Variants in RNF150 observed in about 807,000 individuals in gnomAD.
RNF150 encodes the protein ring finger protein 150.
In RNF150, 24 loss-of-function variants were observed where a neutral mutation model predicts 39.3. The observed-to-expected ratio is 0.61, with a 90% confidence interval of 0.44 to 0.86. RNF150 has a LOEUF of 0.86. RNF150 is among the 40% of genes least tolerant of loss of function. The pLI is 0.00. For synonymous variants in RNF150, 255 were observed against 227.3 expected, an observed-to-expected ratio of 1.12 and a Z score of -1.10; for missense variants, 502 against 587.8, an observed-to-expected ratio of 0.85 and a Z score of 1.51.
chr4:141,145,265 A>G (rs978293069), intron 1 of RNF150, among the ~76,000 whole-genome samples: 26 of 152,252 alleles, frequency 1.7e-4, no homozygotes, highest in African/African-American at 5.8e-4. Flanking sequence ...ATGTCTTCAA[A>G]GTGTCAAAGA....
At chr4:141,180,164 G>T (rs150946100) in intron 1 of RNF150, among the ~76,000 whole-genome samples, 1 of 152,182 alleles carries the variant, frequency 6.6e-6, no homozygotes, top group Non-Finnish European at 1.5e-5. Flanking sequence ...GGCTCACAAA[G>T]TGAGGTCTTG....
At chr4:140,917,316 A>G (rs1730876795) in intron 5 of RNF150, among the ~76,000 whole-genome samples, 1 of 152,222 alleles carries the variant, frequency 6.6e-6, no homozygotes, top group African/African-American at 2.4e-5. Context: ...AGAGACACAC[A>G]TAGGCTCAAA....
At position 140,860,947 on chromosome 4, in the gene RNF150, T is replaced by A. The variant is rs1238883197; in HGVS notation, c.*7314A>T. 6.6e-6 allele frequency: 1 copy of A among 150,392 alleles called. No homozygotes were observed. Among genetic ancestry groups the A allele is most frequent in the Non-Finnish European group, 1.5e-5 (1 of 67,584 alleles). The allele number at this position is 150,392 out of a possible 1,614,324, so 9.3% of individuals were successfully genotyped here. A position where few individuals can be genotyped will look rare whatever the true frequency, so the allele number is the denominator to read the frequency against. On this transcript the variant is annotated 3_prime_UTR_variant, in exon 7 of 7. Transcript: ENST00000515673. ...TGAACATTTTAAAGAACAATACCCA[T>A]TTTTTTTTCCAGAAAATGGATGGAA... is the stretch of plus-strand genomic sequence containing the variant.
intron 1 of RNF150, among the ~76,000 whole-genome samples, chr4:141,127,846 G>GA (rs1469021175): frequency 6.6e-6 from 1 of 151,864 alleles, no homozygotes; most frequent in East Asian, 1.9e-4. Flanking sequence ...CTTTAAAAAA[G>GA]AAAAAAATAA....
chr4:141,018,008 C>T (rs956699442), intron 1 of RNF150, among the ~76,000 whole-genome samples: 2 of 152,094 alleles, frequency 1.3e-5, no homozygotes, highest in African/African-American at 4.8e-5. Flanking sequence ...AACCTCACAT[C>T]CCATAATAAA....
chr4:140,983,458 C>T (rs973469509), intron 1 of RNF150, among the ~76,000 whole-genome samples: 1 of 152,082 alleles, frequency 6.6e-6, no homozygotes, highest in Non-Finnish European at 1.5e-5. Context: ...GAGGTAACTG[C>T]ATGTCTTTTT....
At chr4:141,111,273 C>T (rs1739376311) in intron 1 of RNF150, among the ~76,000 whole-genome samples, 1 of 152,092 alleles carries the variant, frequency 6.6e-6, no homozygotes, top group Non-Finnish European at 1.5e-5. Context: ...ACTTTTAGGG[C>T]TTCATGTTTT....
intron 1 of RNF150, among the ~76,000 whole-genome samples, chr4:141,177,553 G>A (rs565587977): frequency 4.6e-5 from 7 of 151,972 alleles, no homozygotes; most frequent in Admixed American, 2.6e-4. Flanking sequence ...ATGGCATAGA[G>A]CATTTTATTA....
intron 1 of RNF150, among the ~76,000 whole-genome samples, chr4:140,974,618 A>G (rs978196575): frequency 2.6e-5 from 4 of 152,154 alleles, no homozygotes; most frequent in Non-Finnish European, 5.9e-5. Context: ...CATTCCCACC[A>G]GCAATGTATG....
At chr4:141,002,511 T>C (rs1474333635) in intron 1 of RNF150, among the ~76,000 whole-genome samples, 1 of 152,232 alleles carries the variant, frequency 6.6e-6, no homozygotes, top group African/African-American at 2.4e-5. Context: ...TTCTGTCTTA[T>C]GGAAATACTT....
intron 1 of RNF150, among the ~76,000 whole-genome samples, chr4:141,004,849 T>A (rs1156462455): frequency 1.3e-5 from 2 of 152,178 alleles, no homozygotes; most frequent in African/African-American, 2.4e-5. Flanking sequence ...TCTGTACATG[T>A]CTCCATCCAG....
At chr4:140,889,075 G>A (rs1232528919) in intron 6 of RNF150, among the ~76,000 whole-genome samples, 1 of 151,848 alleles carries the variant, frequency 6.6e-6, no homozygotes, top group African/African-American at 2.4e-5. Context: ...TAGAGATGGG[G>A]TCTTGCTGTG....
At chr4:140,953,159 C>A (rs1038612886) in intron 2 of RNF150, among the ~76,000 whole-genome samples, 4 of 152,186 alleles carry the variant, frequency 2.6e-5, no homozygotes, top group African/African-American at 9.7e-5. Flanking sequence ...CAGTGCATGA[C>A]TGTAATAAAG....
intron 1 of RNF150, among the ~76,000 whole-genome samples, chr4:141,173,206 C>T (rs974704150): frequency 1.3e-5 from 2 of 152,108 alleles, no homozygotes; most frequent in Admixed American, 1.3e-4. Flanking sequence ...ATTTATAAGG[C>T]TTTCTCTTAT....
intron 1 of RNF150, among the ~76,000 whole-genome samples, chr4:141,169,807 C>A (rs1727668194): frequency 6.6e-6 from 1 of 151,686 alleles, no homozygotes; most frequent in Non-Finnish European, 1.5e-5. Flanking sequence ...AGTTCTGCTA[C>A]TTTTACAAGA....
intron 1 of RNF150, among the ~76,000 whole-genome samples, chr4:141,131,941 C>T (rs1726900576): frequency 6.6e-6 from 1 of 152,124 alleles, no homozygotes; most frequent in African/African-American, 2.4e-5. Flanking sequence ...TGCACAGACC[C>T]AAGGGCAGTG....
chr4:140,912,825 A>C (rs1730657222), intron 5 of RNF150, among the ~76,000 whole-genome samples: 1 of 152,172 alleles, frequency 6.6e-6, no homozygotes, highest in Non-Finnish European at 1.5e-5. Flanking sequence ...AATTCACTGA[A>C]TTTACTAAAT....
At chr4:141,056,559 G>C (rs891841711) in intron 1 of RNF150, among the ~76,000 whole-genome samples, 29 of 151,828 alleles carry the variant, frequency 1.9e-4, no homozygotes, top group Admixed American at 7.3e-4. Context: ...TAGAGTCTCA[G>C]GTTGTTCCTC....
intron 1 of RNF150, among the ~76,000 whole-genome samples, chr4:141,112,872 A>G (rs1472169991): frequency 6.6e-6 from 1 of 152,086 alleles, no homozygotes; most frequent in Non-Finnish European, 1.5e-5. Flanking sequence ...AATCAAAGGT[A>G]GTTTTGGTCT....
Sources: allele counts gnomAD v4.1 joint callset (sites outside exome capture counted in the v4.1 genomes callset), GRCh38; gene constraint gnomAD v4.1.1; transcripts MANE v1.5; gene names NCBI Gene and HGNC (gene_info 2026-07-23, HGNC 2026-07-21).